IGF1R: variants seen among roughly 807,000 people sequenced by gnomAD.
The protein encoded by IGF1R is insulin like growth factor 1 receptor.
A neutral mutation model predicts 144.6 loss-of-function variants in IGF1R; 44 were observed. The observed-to-expected ratio is 0.30, with a 90% confidence interval of 0.24 to 0.39. The LOEUF (loss-of-function observed/expected upper bound fraction) is 0.39, where lower values mean the gene tolerates loss of function less well. Ranked by LOEUF, IGF1R falls within the 10% of genes least tolerant of loss-of-function variation. The probability of loss-of-function intolerance (pLI) is 1.00; values close to 1 mark genes in which losing one functional copy is unlikely to be tolerated. For missense variants in IGF1R, 1,355 were observed against 1,833.7 expected (o/e 0.74, Z 4.77); for synonymous variants, 795 against 722.8 (o/e 1.10, Z -1.60).
At chr15:98,803,932 G>T (rs2056416793) in intron 2 of IGF1R, among the ~76,000 whole-genome samples, 1 of 152,144 alleles carries the variant, frequency 6.6e-6, no homozygotes, top group Non-Finnish European at 1.5e-5. Context: ...GTGCACTGTT[G>T]TACGTGCTGT....
At chr15:98,795,088 T>C (rs2056207720) in intron 2 of IGF1R, among the ~76,000 whole-genome samples, 1 of 152,062 alleles carries the variant, frequency 6.6e-6, no homozygotes, top group South Asian at 2.1e-4. Context: ...AGCACTAAAT[T>C]ATGTTCATAA....
At chr15:98,746,479 T>G (rs1007876546) in intron 2 of IGF1R, among the ~76,000 whole-genome samples, 2 of 152,168 alleles carry the variant, frequency 1.3e-5, no homozygotes, top group African/African-American at 4.8e-5. Context: ...TTAGTGTAAC[T>G]TAGCACACCT....
chr15:98,752,687 GA>G (rs60896795), intron 2 of IGF1R, among the ~76,000 whole-genome samples: 7,832 of 147,636 alleles, frequency 0.053, 614 homozygotes, highest in African/African-American at 0.17. Flanking sequence ...CCGTCTCAAA[GA>G]AAAAAAAAAA....
chr15:98,756,292 C>T (rs1343879701), intron 2 of IGF1R, among the ~76,000 whole-genome samples: 3 of 146,234 alleles, frequency 2.1e-5, no homozygotes, highest in Non-Finnish European at 4.5e-5. Flanking sequence ...AACTGGAAAA[C>T]TTCATAGGCA....
chr15:98,694,902 C>T (rs965911357), intron 1 of IGF1R, among the ~76,000 whole-genome samples: 2 of 152,052 alleles, frequency 1.3e-5, no homozygotes, highest in African/African-American at 2.4e-5. Flanking sequence ...GTGGAGATAA[C>T]GAAGGGAATG....
At chr15:98,950,023 G>C (rs541371633) in intron 20 of IGF1R, among the ~76,000 whole-genome samples, 1 of 152,318 alleles carries the variant, frequency 6.6e-6, no homozygotes, top group South Asian at 2.1e-4. Flanking sequence ...AGATTGATCT[G>C]GATCTCCATA....
chr15:98,918,548 T>G (rs1024788793), intron 10 of IGF1R, among the ~76,000 whole-genome samples: 3 of 152,248 alleles, frequency 2.0e-5, no homozygotes, highest in Non-Finnish European at 2.9e-5. Flanking sequence ...CTTCATTGCT[T>G]GGTGGCTTTT....
intron 2 of IGF1R, among the ~76,000 whole-genome samples, chr15:98,730,816 C>A (rs1297363987): frequency 6.6e-6 from 1 of 151,986 alleles, no homozygotes; most frequent in Non-Finnish European, 1.5e-5. Context: ...AAACTTGATA[C>A]CTTCCCGTAT....
At chr15:98,939,031 G>T (rs767057539) in intron 17 of IGF1R, among the ~76,000 whole-genome samples, 170 bp from the exon 18 acceptor site, 1 of 152,164 alleles carries the variant, frequency 6.6e-6, no homozygotes, top group Non-Finnish European at 1.5e-5. Flanking sequence ...GAGCAAGCAG[G>T]TGCCATGCTC....
At chr15:98,659,502 C>T (rs1456478527) in intron 1 of IGF1R, among the ~76,000 whole-genome samples, 1 of 152,140 alleles carries the variant, frequency 6.6e-6, no homozygotes, top group Non-Finnish European at 1.5e-5. Flanking sequence ...GGCTTGCTTC[C>T]TGGGGACTGA....
intron 18 of IGF1R, 108 bp downstream of exon 18, chr15:98,939,468 T>G: frequency 9.9e-7 from 1 of 1,010,764 alleles, no homozygotes; most frequent in South Asian, 1.3e-5. Flanking sequence ...GTCCCTTGAG[T>G]GCACGGACTC....
At chr15:98,895,199 C>T (rs2014122023) in intron 3 of IGF1R, among the ~76,000 whole-genome samples, 1 of 149,606 alleles carries the variant, frequency 6.7e-6, no homozygotes, top group African/African-American at 2.5e-5. Flanking sequence ...CACAAATCTA[C>T]ACAAGTGATC....
rs551525839 is a variant in IGF1R at position 98,868,989 on chromosome 15, C to A, written c.641-22336C>A. Among the ~76,000 whole-genome samples, 13 of 152,270 alleles carry A rather than the reference C, an allele frequency of 8.5e-5. No homozygotes were observed. In the South Asian group the frequency reaches 2.3e-3, roughly 27 times the overall value. On this transcript the variant is annotated intron_variant, in intron 2 of 20. Transcript: ENST00000650285. ...GGCTTGTGCATAGGTTAGATTATTTCTTTGGGTTATTCCTGGGGAAACCTG... is the reference window on the plus strand; with the variant it reads ...GGCTTGTGCATAGGTTAGATTATTTATTTGGGTTATTCCTGGGGAAACCTG...
In IGF1R at chr15:98,902,941, A is replaced by G. The variant is rs138427238; in HGVS notation, c.1247+3320A>G. Reference sequence around the variant, plus strand: ...AAAATTCAAGCATTTTACATAGAGTAGAGCTCTTATTCCTCACTCAGAGCC... The same window carrying G: ...AAAATTCAAGCATTTTACATAGAGTGGAGCTCTTATTCCTCACTCAGAGCC... On this transcript the variant is annotated intron_variant, in intron 5 of 20. Transcript: ENST00000650285. Among the ~76,000 whole-genome samples the G allele has an allele frequency of 3.1e-3, 465 of 152,312 alleles. 2 individuals are homozygous for G. Among genetic ancestry groups the G allele is most frequent in the Non-Finnish European group, 5.5e-3 (375 of 68,030 alleles).
chr15:98,810,273 A>G (rs1184394590), intron 2 of IGF1R, among the ~76,000 whole-genome samples: 1 of 151,512 alleles, frequency 6.6e-6, no homozygotes, highest in African/African-American at 2.4e-5. Context: ...TATTACATCC[A>G]CTCTGTGCTT....
At position 98,935,342 on chromosome 15, in the gene IGF1R, A is replaced by G; in HGVS notation, c.3213A>G (p.Gln1071=). 1 of 1,551,284 alleles carries G rather than the reference A, an allele frequency of 6.4e-7. No individual in the cohort carries two copies. Among genetic ancestry groups the G allele is most frequent in the Non-Finnish European group, 8.7e-7 (1 of 1,146,744 alleles). ...TGCGATTGCTGGGTGTGGTGTCCCAAGGCCAGCCAACACTGGTCATCATGG... is the reference window on the plus strand; with the variant it reads ...TGCGATTGCTGGGTGTGGTGTCCCAGGGCCAGCCAACACTGGTCATCATGG... ...HVVRLLGVVS[Q]GQPTLVIMEL... is the part of the protein sequence containing the mutation. Residue 1071 remains glutamine (Q), a synonymous_variant, in exon 17 of 21, where the codon CAA becomes CAG. Coordinates refer to ENST00000650285, the MANE Select transcript of IGF1R (RefSeq NM_000875.5). The surrounding 1 kb of genome is among the most constrained non-coding windows in gnomAD (Gnocchi z 4.2).
At position 98,941,131 on chromosome 15, in the gene IGF1R, G is replaced by A. The variant is rs563236961; in HGVS notation, c.3457+1771G>A. Among the ~76,000 whole-genome samples the A allele has an allele frequency of 2.6e-5, 4 of 152,320 alleles. No individual in the cohort carries two copies. In the South Asian group the frequency reaches 8.3e-4, roughly 32 times the overall value. ...CTGCCGCTAATGGGTGAGAGACTTG[G>A]GCCAGGTGCCTTACATCCGGGAGCC... On this transcript the variant is annotated intron_variant, in intron 18 of 20. Coordinates refer to ENST00000650285, the MANE Select transcript of IGF1R (RefSeq NM_000875.5).
rs1596297354 is a variant in IGF1R at position 98,778,844 on chromosome 15, G to T, written c.640+70737G>T. ...CCTTTTCTGTGGATTTCCGGTGACT[G>T]ATGATAGCCTCTTTGGAAGTCAGCA... is the stretch of plus-strand genomic sequence containing the variant. On this transcript the variant is annotated intron_variant, in intron 2 of 20. Coordinates refer to ENST00000650285, the MANE Select transcript of IGF1R (RefSeq NM_000875.5). 2.0e-5 allele frequency among the ~76,000 whole-genome samples: 3 copies of T among 152,148 alleles called. No individual in the cohort carries two copies. In the South Asian group the frequency reaches 6.2e-4, roughly 32 times the overall value.
At chr15:98,886,999 A>G (rs777969680) in intron 2 of IGF1R, among the ~76,000 whole-genome samples, 28 of 152,176 alleles carry the variant, frequency 1.8e-4, no homozygotes, top group Non-Finnish European at 3.8e-4. Flanking sequence ...TCCCCATCAC[A>G]TTCCATTGCT....
Sources: allele counts gnomAD v4.1 joint callset (sites outside exome capture counted in the v4.1 genomes callset), GRCh38; gene constraint gnomAD v4.1.1; non-coding constraint Gnocchi (gnomAD v3.1); transcripts MANE v1.5; gene names NCBI Gene and HGNC (gene_info 2026-07-23, HGNC 2026-07-21).